The following ACYP2 variants were observed in gnomAD, a reference collection of about 807,000 sequenced individuals.
The protein encoded by ACYP2 is acylphosphatase-2.
In ACYP2, 12 loss-of-function variants were observed where a neutral mutation model predicts 11.2. That is an observed-to-expected ratio of 1.08 (90% CI 0.69 to 1.74). ACYP2 has a LOEUF of 1.74. Among genes scored for constraint, ACYP2 ranks in the 40% most tolerant of loss-of-function variants. The pLI is 0.00. For missense variants in ACYP2, 134 were observed against 101.9 expected (o/e 1.31, Z -1.35); for synonymous variants, 43 against 32.2 (o/e 1.33, Z -1.13).
intron 6 of ACYP2, among the ~76,000 whole-genome samples, chr2:54,286,869 T>C (rs771621905): frequency 1.1e-4 from 16 of 152,014 alleles, no homozygotes; most frequent in Non-Finnish European, 7.3e-5. Context: ...GGCTATAATA[T>C]CTAGAATTTT....
At chr2:54,295,541 A>G (rs1689488198) in intron 6 of ACYP2, among the ~76,000 whole-genome samples, 1 of 152,176 alleles carries the variant, frequency 6.6e-6, no homozygotes, top group Non-Finnish European at 1.5e-5. Context: ...CCTCCCACGC[A>G]TGGAAGCTGT....
intron 4 of ACYP2, among the ~76,000 whole-genome samples, chr2:54,081,894 G>T (rs1237366007): frequency 2.6e-5 from 4 of 152,194 alleles, no homozygotes; most frequent in Admixed American, 6.5e-5. Flanking sequence ...TATCAGCTGA[G>T]CTGAGGTAAC....
chr2:54,113,704 A>G (rs970843647), intron 4 of ACYP2, among the ~76,000 whole-genome samples: 16 of 152,172 alleles, frequency 1.1e-4, no homozygotes, highest in African/African-American at 3.9e-4. Flanking sequence ...GGATAGAGGA[A>G]GATTTTGGAG....
intron 4 of ACYP2, among the ~76,000 whole-genome samples, chr2:54,081,754 G>A (rs1384720898): frequency 3.3e-5 from 5 of 152,114 alleles, no homozygotes; most frequent in East Asian, 1.9e-4. Flanking sequence ...TGATCTGGTC[G>A]GGTGGGTGGT....
intron 2 of ACYP2, among the ~76,000 whole-genome samples, chr2:54,019,054 A>T (rs1444659039): frequency 3.4e-5 from 5 of 148,544 alleles, no homozygotes; most frequent in African/African-American, 5.0e-5. Flanking sequence ...CTATTTTTTT[A>T]TTATTATTAT....
At chr2:54,206,602 T>C (rs1406512856) in intron 6 of ACYP2, among the ~76,000 whole-genome samples, 1 of 152,256 alleles carries the variant, frequency 6.6e-6, no homozygotes, top group Non-Finnish European at 1.5e-5. Context: ...CCTTTATTTA[T>C]GCCAGGTGCC....
At chr2:54,266,272 C>T (rs1055397961) in intron 6 of ACYP2, among the ~76,000 whole-genome samples, 18 of 152,118 alleles carry the variant, frequency 1.2e-4, no homozygotes, top group Non-Finnish European at 8.8e-5. Flanking sequence ...CCAACACACT[C>T]AATCATTTAC....
intron 6 of ACYP2, among the ~76,000 whole-genome samples, chr2:54,270,270 C>G (rs2104077521): frequency 6.6e-6 from 1 of 152,146 alleles, no homozygotes; most frequent in South Asian, 2.1e-4. Context: ...ATAAGCTTTT[C>G]AAAAATGCTG....
intron 4 of ACYP2, among the ~76,000 whole-genome samples, chr2:54,124,124 C>G (rs1211452983): frequency 6.6e-6 from 1 of 152,114 alleles, no homozygotes; most frequent in Admixed American, 6.5e-5. Context: ...ATCTTGTGTC[C>G]ATAACCTCTC....
At chr2:54,258,335 A>C (rs1687644805) in intron 6 of ACYP2, among the ~76,000 whole-genome samples, 5 of 152,198 alleles carry the variant, frequency 3.3e-5, no homozygotes. Context: ...AGCTAGTAGA[A>C]ATCCTGGAGG....
rs924455252 is a variant in ACYP2, at chr2:54,201,686, C to G, written c.404+62938C>G. On this transcript the variant is annotated intron_variant, in intron 6 of 6. Transcript: ENST00000607452. ...TCTTTCTTTCTTTCTTTCTTTCTCT[C>G]TCTCTCTCTCTCTTTTTTCTTTTCT... 1.4e-3 allele frequency among the ~76,000 whole-genome samples: 183 copies of G among 132,056 alleles called. 1 individual carries two copies. Among genetic ancestry groups the G allele is most frequent in the African/African-American group, 4.2e-3 (139 of 33,180 alleles). The allele number at this position is 132,056 out of a possible 152,430, so 86.6% of individuals were successfully genotyped here.
At chr2:54,137,797 C>G (rs1681346308) in intron 5 of ACYP2, among the ~76,000 whole-genome samples, 1 of 152,064 alleles carries the variant, frequency 6.6e-6, no homozygotes. Context: ...GGTATATACC[C>G]AATAATGGAA....
chr2:54,096,188 T>G (rs1486760762), intron 4 of ACYP2, among the ~76,000 whole-genome samples: 1 of 140,174 alleles, frequency 7.1e-6, no homozygotes. Context: ...GGCTCCTCAC[T>G]TCTCAGACGG....
At position 54,260,944 on chromosome 2, in the gene ACYP2, T is replaced by C. The variant is rs568107980; in HGVS notation, c.405-43744T>C. ...AGCAACGTTTTAGGGCAATAGGTGG[T>C]CCAAACCATTGACAGGAGACTCAAA... is the stretch of plus-strand genomic sequence containing the variant. On this transcript the variant is annotated intron_variant, in intron 6 of 6. Transcript: ENST00000607452. Among the ~76,000 whole-genome samples, 48 of 152,134 alleles carry C rather than the reference T, an allele frequency of 3.2e-4. 1 individual carries two copies. Among genetic ancestry groups the C allele is most frequent in the Admixed American group, 2.8e-3 (43 of 15,292 alleles).
At chr2:54,156,143 T>A (rs1455706797) in intron 6 of ACYP2, among the ~76,000 whole-genome samples, 1 of 152,204 alleles carries the variant, frequency 6.6e-6, no homozygotes, top group Admixed American at 6.5e-5. Flanking sequence ...TCTACATATG[T>A]CTGTTAGGTC....
intron 2 of ACYP2, among the ~76,000 whole-genome samples, chr2:54,009,303 A>T (rs943847155): frequency 1.3e-5 from 2 of 152,078 alleles, no homozygotes; most frequent in African/African-American, 4.8e-5. Flanking sequence ...TCACACCTGT[A>T]ATCCCAGCGC....
chr2:54,277,417 C>T (rs1688645461), intron 6 of ACYP2, among the ~76,000 whole-genome samples: 1 of 152,196 alleles, frequency 6.6e-6, no homozygotes, highest in African/African-American at 2.4e-5. Flanking sequence ...CAGTGACTCA[C>T]ATCTGCAATC....
In ACYP2 at chr2:54,135,442, C is replaced by CT; in HGVS notation, c.278-7dup. Reference sequence around the variant, plus strand: ...CAAGCTGACAATTCTTTTTATCTTTCTTTTATACAGGTGTTTGCTTCAGAA... The same window carrying CT: ...CAAGCTGACAATTCTTTTTATCTTTCTTTTTATACAGGTGTTTGCTTCAGAA... On this transcript the variant is annotated splice_polypyrimidine_tract_variant and intron_variant, in intron 4 of 6. Transcript: ENST00000607452. 6.2e-7 allele frequency: 1 copy of CT among 1,604,732 alleles called. No individual in the cohort carries two copies. Among genetic ancestry groups the CT allele is most frequent in the South Asian group, 1.1e-5 (1 of 89,198 alleles).
At chr2:54,247,642 T>A (rs929255198) in intron 6 of ACYP2, among the ~76,000 whole-genome samples, 1 of 152,220 alleles carries the variant, frequency 6.6e-6, no homozygotes, top group Non-Finnish European at 1.5e-5. Flanking sequence ...GATTTTAGAT[T>A]CACCTGTGTC....
Sources: gnomAD v4.1 joint callset for allele counts (sites outside exome capture counted in the v4.1 genomes callset) on GRCh38, gnomAD v4.1.1 for gene constraint, MANE v1.5 for transcripts, NCBI Gene and HGNC (gene_info 2026-07-23, HGNC 2026-07-21) for gene names.